The following PLCG2 variants were observed in gnomAD, a reference collection of about 807,000 sequenced individuals.
PLCG2 encodes the protein 1-phosphatidylinositol 4,5-bisphosphate phosphodiesterase gamma-2.
Under a neutral mutation model 175.6 loss-of-function variants are expected in PLCG2, and 69 were observed. The ratio of observed to expected loss-of-function variants is 0.39; its 90% CI spans 0.32 to 0.48. The LOEUF is 0.48. Among genes scored for constraint, PLCG2 ranks in the 20% least tolerant of loss-of-function variants. The probability of loss-of-function intolerance (pLI) is 0.91; values close to 1 mark genes in which losing one functional copy is unlikely to be tolerated. For synonymous variants in PLCG2, 827 were observed against 624.0 expected (o/e 1.33, Z -4.85); for missense variants, 1,798 against 1,650.9 (o/e 1.09, Z -1.54).
At chr16:81,778,050 A>C (rs1567457816), upstream of PLCG2, among the ~76,000 whole-genome samples, 12 of 103,974 alleles carry the variant, frequency 1.2e-4, no homozygotes, top group African/African-American at 3.9e-4. Context: ...AAACAAAAAA[A>C]AAAACAAAAA....
chr16:81,772,655 C>A (rs866486132), intron 2 of PLCG2, among the ~76,000 whole-genome samples: 107 of 140,058 alleles, frequency 7.6e-4, no homozygotes, highest in Middle Eastern at 3.7e-3. Flanking sequence ...ACTAAAAATA[C>A]AAAAAAAAAA....
chr16:81,885,054 T>C (rs988375018), intron 9 of PLCG2, among the ~76,000 whole-genome samples: 2 of 30,222 alleles, frequency 6.6e-5, no homozygotes, highest in African/African-American at 4.0e-4. Flanking sequence ...TGCCTGACAA[T>C]TTTTTTTTTT....
At chr16:81,761,326 C>G (rs1910037009) in intron 2 of PLCG2, among the ~76,000 whole-genome samples, 1 of 152,242 alleles carries the variant, frequency 6.6e-6, no homozygotes, top group South Asian at 2.1e-4. Flanking sequence ...GGTCAAGCCG[C>G]TACACTCCAG....
chr16:81,766,455 C>G (rs1418165022), intron 2 of PLCG2, among the ~76,000 whole-genome samples: 1 of 152,024 alleles, frequency 6.6e-6, no homozygotes, highest in African/African-American at 2.4e-5. Flanking sequence ...CAGGCCCTCA[C>G]TTAGCCAGCG....
chr16:81,840,059 A>G (rs1021486980), intron 2 of PLCG2, among the ~76,000 whole-genome samples: 6 of 152,202 alleles, frequency 3.9e-5, no homozygotes, highest in Non-Finnish European at 8.8e-5. Flanking sequence ...CTTGTCTCCA[A>G]AAAAACTTAA....
chr16:81,910,122 G>A (rs557650479), intron 17 of PLCG2, among the ~76,000 whole-genome samples: 2 of 152,022 alleles, frequency 1.3e-5, no homozygotes, highest in Admixed American at 6.5e-5. Flanking sequence ...ATGGAGTCTC[G>A]CTCTGTCGCC....
intron 4 of PLCG2, 30 bp from the exon 5 acceptor site, chr16:81,859,086 C>G (rs776178731): frequency 1.9e-5 from 27 of 1,418,494 alleles, no homozygotes; most frequent in Non-Finnish European, 2.4e-5. Flanking sequence ...TTCTCTTTCT[C>G]TCTTTCTTTT....
At chr16:81,803,647 C>G (rs1429144569) in intron 2 of PLCG2, among the ~76,000 whole-genome samples, 1 of 42,056 alleles carries the variant, frequency 2.4e-5, no homozygotes. Flanking sequence ...CTCCCTCCCT[C>G]CCTCCCTCCC....
intron 3 of PLCG2, among the ~76,000 whole-genome samples, chr16:81,855,984 C>G (rs560302412): frequency 5.3e-5 from 8 of 152,298 alleles, no homozygotes; most frequent in African/African-American, 1.9e-4. Flanking sequence ...GCCCTGACCC[C>G]CTGTTCTTAA....
In PLCG2 at chr16:81,825,416, G is replaced by A. The variant is rs114097832; in HGVS notation, c.194-29028G>A. Among the ~76,000 whole-genome samples, 448 of 151,464 alleles carry A rather than the reference G, an allele frequency of 3.0e-3. 3 individuals are homozygous for A. The highest frequency in any genetic ancestry group is 0.01 in the African/African-American group (430 of 41,278). On this transcript the variant is annotated intron_variant, in intron 2 of 32. Coordinates refer to ENST00000564138, the MANE Select transcript of PLCG2 (RefSeq NM_002661.5). ...CCATTCTCTTGCTTCAGCTTCCCAA[G>A]TAGCTGGGACTACAGGCATGGCATG...
intron 19 of PLCG2, among the ~76,000 whole-genome samples, chr16:81,919,229 G>A (rs1909963038): frequency 6.6e-6 from 1 of 152,222 alleles, no homozygotes; most frequent in Non-Finnish European, 1.5e-5. Context: ...TTGGGGAGGA[G>A]AGGAAGGGTA....
At chr16:81,867,473 C>T (rs1224590532) in intron 5 of PLCG2, among the ~76,000 whole-genome samples, 1 of 152,162 alleles carries the variant, frequency 6.6e-6, no homozygotes, top group African/African-American at 2.4e-5. Flanking sequence ...GATAAGGTAC[C>T]AAACTGATCG....
chr16:81,907,147 A>G (rs1166279231), intron 15 of PLCG2, among the ~76,000 whole-genome samples: 1 of 152,108 alleles, frequency 6.6e-6, no homozygotes, highest in Non-Finnish European at 1.5e-5. Flanking sequence ...ATAATAAAAA[A>G]ATACAAATAA....
intron 19 of PLCG2, among the ~76,000 whole-genome samples, chr16:81,917,737 T>C (rs990827794): frequency 1.3e-5 from 2 of 152,262 alleles, no homozygotes; most frequent in African/African-American, 4.8e-5. Context: ...TTTTTTATTT[T>C]TTGAGATGGA....
At chr16:81,910,003 G>C (rs950572540) in intron 17 of PLCG2, among the ~76,000 whole-genome samples, 7 of 138,930 alleles carry the variant, frequency 5.0e-5, no homozygotes, top group Non-Finnish European at 9.4e-5. Context: ...ATAAAAGGGG[G>C]ATGGGGTGGG....
At chr16:81,799,814 C>T (rs779558771) in intron 2 of PLCG2, among the ~76,000 whole-genome samples, 3 of 150,526 alleles carry the variant, frequency 2.0e-5, no homozygotes, top group East Asian at 2.0e-4. Flanking sequence ...AGGATGGTCT[C>T]GATCTCCTGA....
chr16:81,796,389 A>G (rs956272319), intron 2 of PLCG2, among the ~76,000 whole-genome samples: 65 of 152,218 alleles, frequency 4.3e-4, no homozygotes, highest in African/African-American at 1.4e-3. Context: ...GCCAGCACAC[A>G]TGAGCAGGCT....
chr16:81,897,938 A>G, intron 13 of PLCG2: 1 of 448,644 alleles, frequency 2.2e-6, no homozygotes. Context: ...GTCTTTTCGC[A>G]CTTGGTGAAA....
At chr16:81,812,906 TC>T (rs1247586635) in intron 2 of PLCG2, among the ~76,000 whole-genome samples, 3 of 152,220 alleles carry the variant, frequency 2.0e-5, no homozygotes, top group Non-Finnish European at 4.4e-5. Context: ...TAGCTGGTTT[TC>T]CCAACACCAT....
Sources: allele counts gnomAD v4.1 joint callset (sites outside exome capture counted in the v4.1 genomes callset), GRCh38; gene constraint gnomAD v4.1.1; transcripts MANE v1.5; gene names NCBI Gene and HGNC (gene_info 2026-07-23, HGNC 2026-07-21).